The following TLN2 variants were observed in gnomAD, a reference collection of about 807,000 sequenced individuals.
The protein encoded by TLN2 is talin-2.
TLN2 carries 118 observed loss-of-function variants against 294.7 expected under a neutral mutation model. The observed-to-expected ratio is 0.40, with a 90% CI of 0.34 to 0.47. TLN2 has a LOEUF of 0.47. TLN2 is among the 20% of genes least tolerant of loss of function. The pLI, the probability that TLN2 is intolerant of heterozygous loss-of-function variation, is 0.84. For synonymous variants in TLN2, 1,431 were observed against 1,304.5 expected (o/e 1.10, Z -2.09); for missense variants, 3,083 against 3,282.2 (o/e 0.94, Z 1.48).
chr15:62,714,088 A>C (rs1402538818), intron 22 of TLN2, among the ~76,000 whole-genome samples: 1 of 151,682 alleles, frequency 6.6e-6, no homozygotes, highest in Non-Finnish European at 1.5e-5. Context: ...ACTGTAGGGT[A>C]AATCTAGTCC....
chr15:62,548,114 T>C (rs1012512458), intron 1 of TLN2, among the ~76,000 whole-genome samples: 18 of 152,026 alleles, frequency 1.2e-4, no homozygotes, highest in African/African-American at 4.1e-4. Flanking sequence ...ACAACTAATA[T>C]CGATAATGAG....
At chr15:62,421,575 C>G (rs1328273340) in intron 1 of TLN2, among the ~76,000 whole-genome samples, 5 of 151,228 alleles carry the variant, frequency 3.3e-5, no homozygotes, top group African/African-American at 1.2e-4. Flanking sequence ...AATGCAGGAA[C>G]AGAAAACCAA....
intron 52 of TLN2, among the ~76,000 whole-genome samples, chr15:62,810,404 T>C (rs1231603974): frequency 6.6e-6 from 1 of 152,142 alleles, no homozygotes; most frequent in Non-Finnish European, 1.5e-5. Flanking sequence ...TGCAAGGACA[T>C]GGAAGGCTTC....
intron 2 of TLN2, among the ~76,000 whole-genome samples, chr15:62,610,751 C>T (rs1386912477): frequency 6.6e-6 from 1 of 152,214 alleles, no homozygotes; most frequent in Non-Finnish European, 1.5e-5. Flanking sequence ...TGAGGGACTG[C>T]AAACGTGCCA....
chr15:62,615,612 T>G (rs2048252705), intron 2 of TLN2, among the ~76,000 whole-genome samples: 1 of 152,282 alleles, frequency 6.6e-6, no homozygotes. Context: ...GATTTTCTTT[T>G]AGTCTTTTAT....
At chr15:62,474,026 G>A (rs529172579) in intron 1 of TLN2, among the ~76,000 whole-genome samples, 1 of 152,144 alleles carries the variant, frequency 6.6e-6, no homozygotes, top group Non-Finnish European at 1.5e-5. Flanking sequence ...CCCCGGAGGC[G>A]GAAGTTGCAG....
At chr15:62,507,375 G>C (rs1292895500) in intron 1 of TLN2, among the ~76,000 whole-genome samples, 1 of 152,210 alleles carries the variant, frequency 6.6e-6, no homozygotes, top group Non-Finnish European at 1.5e-5. Flanking sequence ...TGTGATGCTT[G>C]AGTTGCCCAC....
At chr15:62,554,571 A>G (rs2042504231) in intron 1 of TLN2, among the ~76,000 whole-genome samples, 1 of 152,066 alleles carries the variant, frequency 6.6e-6, no homozygotes, top group Non-Finnish European at 1.5e-5. Flanking sequence ...GATGGGACAG[A>G]GAAATTGTAA....
Position 62,792,624 on chromosome 15 carries a change from T to G in TLN2, c.5737-17T>G. The G allele has an allele frequency of 6.2e-7, 1 of 1,610,416 alleles. No individual in the cohort carries two copies. The highest frequency in any genetic ancestry group is 8.5e-7 in the Non-Finnish European group (1 of 1,178,466). The stretch of plus-strand genomic sequence containing the variant: ...CCATCACGCTTCTCCTTCCCCATCC[T>G]GGGCTTGCCTCTGCAGATCGGATTC... On this transcript the variant is annotated splice_polypyrimidine_tract_variant and intron_variant, in intron 45 of 58. Transcript: ENST00000636159.
intron 1 of TLN2, among the ~76,000 whole-genome samples, chr15:62,512,375 C>T (rs956689182): frequency 6.6e-6 from 1 of 152,098 alleles, no homozygotes; most frequent in African/African-American, 2.4e-5. Context: ...ATTTCCCTTC[C>T]TTTCTTTGTT....
chr15:62,769,039 T>A (rs1368146380), intron 41 of TLN2, among the ~76,000 whole-genome samples: 1 of 152,248 alleles, frequency 6.6e-6, no homozygotes, highest in African/African-American at 2.4e-5. Context: ...GGCCCAGCCA[T>A]GCTACCTCCA....
intron 1 of TLN2, among the ~76,000 whole-genome samples, chr15:62,474,651 A>G (rs1330651908): frequency 2.6e-5 from 4 of 152,112 alleles, no homozygotes; most frequent in Non-Finnish European, 5.9e-5. Flanking sequence ...AAAAAAGAAT[A>G]AGGAATAATG....
intron 19 of TLN2, among the ~76,000 whole-genome samples, chr15:62,704,899 A>G (rs138563717): frequency 6.6e-6 from 1 of 152,336 alleles, no homozygotes; most frequent in East Asian, 1.9e-4. Context: ...TATGAGATTC[A>G]GCTGCTGTTT....
rs1420222157 is a variant in TLN2, at chr15:62,650,238, A to G, written c.234+57A>G. 6.4e-6 allele frequency: 10 copies of G among 1,556,970 alleles called. No homozygotes were observed. In the African/African-American group the frequency reaches 1.1e-4, roughly 17 times the overall value. Reference sequence around the variant, plus strand: ...TCCCTTTGTCCCTGGGCCTTCTTCCATAGACGCCAACACGGTTACGCTATT... The same window carrying G: ...TCCCTTTGTCCCTGGGCCTTCTTCCGTAGACGCCAACACGGTTACGCTATT... On this transcript the variant is annotated intron_variant, in intron 5 of 58. Transcript: ENST00000636159.
In TLN2 at chr15:62,572,833, C is replaced by G. The variant is rs527744373; in HGVS notation, c.-237-16854C>G. 6.6e-5 allele frequency among the ~76,000 whole-genome samples: 10 copies of G among 152,190 alleles called. No homozygotes were observed. The South Asian group carries it at 2.1e-3, about 32-fold the overall frequency. ...TCTGTGGGCACCTGACCCCCTGTTG[C>G]ATTTTGGAATCCCGCACTCTGTGCT... On this transcript the variant is annotated intron_variant, in intron 1 of 58. Transcript: ENST00000636159.
intron 2 of TLN2, among the ~76,000 whole-genome samples, chr15:62,604,524 TA>T (rs35955277): frequency 0.11 from 9,333 of 87,290 alleles, 527 homozygotes; most frequent in East Asian, 0.19. Flanking sequence ...GACCTTGTCT[TA>T]AAAAAAAAAA....
intron 30 of TLN2, among the ~76,000 whole-genome samples, chr15:62,738,841 T>G (rs950823973): frequency 9.2e-5 from 14 of 152,216 alleles, no homozygotes; most frequent in African/African-American, 2.9e-4. Flanking sequence ...TCCCTAGAAC[T>G]TTTCACAAAT....
intron 1 of TLN2, among the ~76,000 whole-genome samples, chr15:62,544,675 A>G (rs78133300): frequency 0.025 from 3,785 of 151,566 alleles, 55 homozygotes; most frequent in Non-Finnish European, 0.029. Context: ...TGTCATCATC[A>G]TCTACCCTTT....
chr15:62,638,756 T>C (rs562206054), intron 3 of TLN2: 10 of 395,312 alleles, frequency 2.5e-5, no homozygotes, highest in South Asian at 1.7e-4. Context: ...TAAATATGTA[T>C]TGAACCCTTC....
Sources: allele counts gnomAD v4.1 joint callset (sites outside exome capture counted in the v4.1 genomes callset), GRCh38; gene constraint gnomAD v4.1.1; transcripts MANE v1.5; gene names NCBI Gene and HGNC (gene_info 2026-07-23, HGNC 2026-07-21).